The following DAB1 variants were observed in gnomAD, a reference collection of about 807,000 sequenced individuals.
DAB1 encodes the protein DAB adaptor protein 1, also known as disabled homolog 1.
DAB1 carries 15 observed loss-of-function variants against 64.6 expected under a neutral mutation model. The observed-to-expected ratio is 0.23, with a 90% confidence interval of 0.16 to 0.36. DAB1 has a LOEUF of 0.36. Among genes scored for constraint, DAB1 ranks in the 10% least tolerant of loss-of-function variants. The pLI is 1.00. For missense variants in DAB1, 596 were observed against 706.7 expected (o/e 0.84, Z 1.78); for synonymous variants, 235 against 251.9 (o/e 0.93, Z 0.64).
intron 6 of DAB1, among the ~76,000 whole-genome samples, chr1:57,772,170 G>A (rs1191238428): frequency 6.6e-6 from 1 of 151,944 alleles, no homozygotes; most frequent in African/African-American, 2.4e-5. Context: ...AAAGGATAAG[G>A]GCAGCCCCCT....
chr1:57,350,292 C>T (rs1345866811), intron 1 of DAB1, among the ~76,000 whole-genome samples: 1 of 152,168 alleles, frequency 6.6e-6, no homozygotes, highest in African/African-American at 2.4e-5. Flanking sequence ...TTAGATCCCA[C>T]CAGCTTTTAC....
intron 6 of DAB1, among the ~76,000 whole-genome samples, chr1:57,685,532 C>T (rs1342987510): frequency 6.6e-6 from 1 of 152,128 alleles, no homozygotes; most frequent in Admixed American, 6.6e-5. Context: ...AAATTCTGGA[C>T]TTAAAGTTGA....
At chr1:58,360,498 G>A (rs1341743) in intron 3 of DAB1, among the ~76,000 whole-genome samples, 3 of 151,984 alleles carry the variant, frequency 2.0e-5, no homozygotes, top group South Asian at 2.1e-4. Context: ...CGTTCTTGCC[G>A]CCTTTTCATC....
At chr1:58,500,923 GTC>G (rs930631508) in intron 3 of DAB1, among the ~76,000 whole-genome samples, 22 of 152,194 alleles carry the variant, frequency 1.4e-4, no homozygotes, top group Admixed American at 1.2e-3. Context: ...TAAATAAGGT[GTC>G]TCTTTCAACG....
At chr1:57,709,625 C>T (rs1281356949) in intron 6 of DAB1, among the ~76,000 whole-genome samples, 1 of 151,996 alleles carries the variant, frequency 6.6e-6, no homozygotes, top group African/African-American at 2.4e-5. Context: ...AGAGAAGGGT[C>T]CCAGAGAAAA....
At chr1:57,010,059 C>A (rs960465115) in intron 14 of DAB1, among the ~76,000 whole-genome samples, 5 of 152,142 alleles carry the variant, frequency 3.3e-5, no homozygotes, top group Admixed American at 3.3e-4. Context: ...TTCCTCTGAT[C>A]TTACATCTCG....
intron 2 of DAB1, among the ~76,000 whole-genome samples, chr1:57,288,500 A>G (rs926069226): frequency 6.6e-6 from 1 of 152,148 alleles, no homozygotes; most frequent in Admixed American, 6.6e-5. Flanking sequence ...AGAGAAGGAA[A>G]GAGTTTGGTC....
intron 7 of DAB1, among the ~76,000 whole-genome samples, chr1:57,631,992 G>A (rs1645995627): frequency 1.3e-5 from 2 of 152,182 alleles, no homozygotes; most frequent in Admixed American, 1.3e-4. Flanking sequence ...GTGGGAAAGG[G>A]TTATATCAGG....
intron 2 of DAB1, among the ~76,000 whole-genome samples, chr1:57,243,050 G>A (rs2100485095): frequency 6.6e-6 from 1 of 152,284 alleles, no homozygotes; most frequent in South Asian, 2.1e-4. Context: ...ACCAGCACTG[G>A]AGGGTCCTAA....
At chr1:57,015,850 T>C (rs920230649) in intron 11 of DAB1, among the ~76,000 whole-genome samples, 1 of 152,188 alleles carries the variant, frequency 6.6e-6, no homozygotes, top group African/African-American at 2.4e-5. Flanking sequence ...AGTCTGACTC[T>C]TTGTGGTAAA....
At chr1:58,072,907 C>T (rs1183723818) in intron 5 of DAB1, among the ~76,000 whole-genome samples, 1 of 152,170 alleles carries the variant, frequency 6.6e-6, no homozygotes, top group African/African-American at 2.4e-5. Context: ...GTGTGTGTGT[C>T]CACAACACTG....
intron 7 of DAB1, among the ~76,000 whole-genome samples, chr1:57,451,333 T>G (rs929507730): frequency 6.6e-6 from 1 of 152,244 alleles, no homozygotes; most frequent in Admixed American, 6.5e-5. Flanking sequence ...CTTAAGTTTC[T>G]AAGGCACCAA....
At chr1:58,085,085 T>C (rs17116867) in intron 5 of DAB1, among the ~76,000 whole-genome samples, 36,385 of 152,036 alleles carry the variant, frequency 0.24, 5,011 homozygotes, top group East Asian at 0.49. Flanking sequence ...ATGGTTATTT[T>C]ATCAGGAGGA....
intron 4 of DAB1, among the ~76,000 whole-genome samples, chr1:58,317,183 T>A (rs114973105): frequency 6.6e-6 from 1 of 152,206 alleles, no homozygotes; most frequent in Non-Finnish European, 1.5e-5. Context: ...GAAAATCCAA[T>A]TAGGTGTCTC....
At chr1:57,853,817 CTG>C (rs1262705195) in intron 1 of DAB1, among the ~76,000 whole-genome samples, 1 of 152,136 alleles carries the variant, frequency 6.6e-6, no homozygotes, top group African/African-American at 2.4e-5. Flanking sequence ...GGTACCCAGA[CTG>C]TGTTACAAGA....
At chr1:58,326,568 T>C (rs548536767) in intron 4 of DAB1, among the ~76,000 whole-genome samples, 1 of 152,342 alleles carries the variant, frequency 6.6e-6, no homozygotes, top group South Asian at 2.1e-4. Context: ...AAATGCTTCT[T>C]AGTCCTTTCT....
At chr1:58,220,897 A>C (rs1030227280) in intron 4 of DAB1, among the ~76,000 whole-genome samples, 1 of 151,870 alleles carries the variant, frequency 6.6e-6, no homozygotes, top group Admixed American at 6.6e-5. Flanking sequence ...ACACATATAT[A>C]TATTATCAAT....
chr1:57,535,287 C>T (rs1439702195), intron 7 of DAB1, among the ~76,000 whole-genome samples: 3 of 152,030 alleles, frequency 2.0e-5, no homozygotes, highest in Non-Finnish European at 4.4e-5. Flanking sequence ...AGCTGTATTC[C>T]CAGTGCCTAG....
At chr1:57,988,324 C>T (rs145197443) in intron 5 of DAB1, among the ~76,000 whole-genome samples, 1 of 152,234 alleles carries the variant, frequency 6.6e-6, no homozygotes, top group Non-Finnish European at 1.5e-5. Flanking sequence ...TCTGCCCCCC[C>T]ACTCACTCTG....
Sources: allele counts gnomAD v4.1 joint callset (sites outside exome capture counted in the v4.1 genomes callset), GRCh38; gene constraint gnomAD v4.1.1; transcripts MANE v1.5; gene names NCBI Gene and HGNC (gene_info 2026-07-23, HGNC 2026-07-21).